The following PSD3 variants were observed in gnomAD, a reference collection of about 807,000 sequenced individuals.
The protein encoded by PSD3 is pleckstrin and Sec7 domain containing 3.
PSD3 carries 49 observed loss-of-function variants against 105.5 expected under a neutral mutation model. That is an observed-to-expected ratio of 0.46 (90% confidence interval 0.37 to 0.59). The LOEUF is 0.59. PSD3 is among the 20% of genes least tolerant of loss of function. The pLI is 0.00. For missense variants in PSD3, 1,561 were observed against 1,263.8 expected (o/e 1.24, Z -3.57); for synonymous variants, 557 against 457.8 (o/e 1.22, Z -2.77).
At chr8:18,966,091 C>T (rs1217527945) in intron 1 of PSD3, among the ~76,000 whole-genome samples, 1 of 152,202 alleles carries the variant, frequency 6.6e-6, no homozygotes, top group Non-Finnish European at 1.5e-5. Flanking sequence ...ACAGCTAGCA[C>T]TCAGTCAGAG....
intron 10 of PSD3, among the ~76,000 whole-genome samples, chr8:18,642,187 C>A (rs1807697618): frequency 6.6e-6 from 1 of 152,012 alleles, no homozygotes; most frequent in African/African-American, 2.4e-5. Flanking sequence ...CAAACTTAAC[C>A]AATGGTTAAA....
intron 4 of PSD3, among the ~76,000 whole-genome samples, chr8:18,852,775 C>T (rs1370011146): frequency 6.6e-6 from 1 of 152,116 alleles, no homozygotes; most frequent in Non-Finnish European, 1.5e-5. Flanking sequence ...GCTCTAACAT[C>T]GAAGTCCTCA....
At chr8:18,839,000 A>G (rs530894021) in intron 4 of PSD3, among the ~76,000 whole-genome samples, 1 of 151,932 alleles carries the variant, frequency 6.6e-6, no homozygotes, top group African/African-American at 2.4e-5. Flanking sequence ...GGCTTATCAT[A>G]CAAATGGGAT....
chr8:18,552,581 C>T (rs1206986528), intron 15 of PSD3, among the ~76,000 whole-genome samples: 2 of 152,044 alleles, frequency 1.3e-5, no homozygotes, highest in African/African-American at 4.8e-5. Flanking sequence ...TCGATCTGCC[C>T]CAGAACTTGA....
intron 4 of PSD3, among the ~76,000 whole-genome samples, chr8:18,831,435 C>T (rs1419984629): frequency 6.6e-6 from 1 of 152,158 alleles, no homozygotes; most frequent in Non-Finnish European, 1.5e-5. Context: ...TTCAACATGA[C>T]ATCAGGCCAG....
At chr8:18,655,824 G>A in intron 9 of PSD3, 139 bp from the exon 10 acceptor site, 4 of 728,948 alleles carry the variant, frequency 5.5e-6, no homozygotes, top group Non-Finnish European at 9.2e-6. Context: ...TTAGAAAGGT[G>A]AAGAATACAT....
intron 1 of PSD3, among the ~76,000 whole-genome samples, chr8:18,986,354 A>G (rs1586580450): frequency 6.6e-6 from 1 of 152,142 alleles, no homozygotes; most frequent in East Asian, 1.9e-4. Context: ...TTTACTGTCA[A>G]ATACTGGGTA....
intron 9 of PSD3, among the ~76,000 whole-genome samples, chr8:18,744,120 G>A (rs531347612): frequency 2.5e-4 from 38 of 152,096 alleles, no homozygotes; most frequent in African/African-American, 3.9e-4. Flanking sequence ...TTGTATTGAT[G>A]TTCCCCACCA....
rs1376965130 is a variant in PSD3 at position 18,871,638 on chromosome 8, C to G, written c.1226G>C (p.Arg409Thr). ...QHLEKTPKPERDRERISEQEE... is the reference protein window; with the variant it reads ...QHLEKTPKPETDRERISEQEE... ...TATGGGAGCTCACCTTTCCCTGTCT[C>G]TCTCTGGTTTAGGTGTCTTCTCAAG... Residue 409 changes from arginine (R) to threonine (T), a missense_variant, in exon 3 of 16, where the codon AGA (arginine) becomes ACA (threonine). Transcript: ENST00000327040. 1.2e-6 allele frequency: 2 copies of G among 1,604,012 alleles called. No homozygotes were observed. Among genetic ancestry groups the G allele is most frequent in the Non-Finnish European group, 1.7e-6 (2 of 1,175,054 alleles).
chr8:18,732,346 C>A (rs1803822289), intron 9 of PSD3, among the ~76,000 whole-genome samples: 2 of 152,210 alleles, frequency 1.3e-5, no homozygotes, highest in South Asian at 4.1e-4. Context: ...AGCTACAAAT[C>A]CTGTCTCAGT....
chr8:19,077,704 C>T (rs946991654), intron 1 of PSD3, among the ~76,000 whole-genome samples: 3 of 152,094 alleles, frequency 2.0e-5, no homozygotes, highest in African/African-American at 7.2e-5. Context: ...AAAACAACAT[C>T]CTTGAACTTT....
intron 2 of PSD3, among the ~76,000 whole-genome samples, chr8:18,900,510 T>A (rs1294823884): frequency 6.6e-6 from 1 of 152,156 alleles, no homozygotes; most frequent in Non-Finnish European, 1.5e-5. Flanking sequence ...TATAACATCA[T>A]GAATTTTCCC....
At chr8:18,544,318 G>A (rs991271650) in intron 15 of PSD3, among the ~76,000 whole-genome samples, 3 of 151,982 alleles carry the variant, frequency 2.0e-5, no homozygotes, top group African/African-American at 4.8e-5. Flanking sequence ...TTGACCAGGT[G>A]GCCCACCCAC....
At chr8:18,801,193 C>A in intron 7 of PSD3, 77 bp downstream of exon 7, 1 of 870,796 alleles carries the variant, frequency 1.1e-6, no homozygotes, top group Non-Finnish European at 1.8e-6. Context: ...TAATTTCTCA[C>A]AATAAAATTT....
intron 10 of PSD3, among the ~76,000 whole-genome samples, chr8:18,635,318 G>A (rs973146714): frequency 6.6e-6 from 1 of 152,020 alleles, no homozygotes; most frequent in East Asian, 1.9e-4. Flanking sequence ...ATCAAATCTC[G>A]GGGCTAGGTG....
chr8:18,763,312 C>CA (rs1422971069), intron 9 of PSD3, among the ~76,000 whole-genome samples: 2 of 151,426 alleles, frequency 1.3e-5, no homozygotes, highest in African/African-American at 4.9e-5. Context: ...TTATTTCACA[C>CA]AAAAAAAACT....
intron 1 of PSD3, among the ~76,000 whole-genome samples, chr8:18,944,649 T>G (rs1822751133): frequency 6.6e-6 from 1 of 152,134 alleles, no homozygotes; most frequent in African/African-American, 2.4e-5. Context: ...ACTTTTTCTC[T>G]TAGTAACGAA....
chr8:18,803,411 G>GTGTGTGTGTGTA (rs2129447574), intron 6 of PSD3: 1 of 151,986 alleles, frequency 6.6e-6, no homozygotes, highest in African/African-American at 2.4e-5. Flanking sequence ...GTGTGTGTGT[G>GTGTGTGTGTGTA]TGTGTGTGTT....
intron 4 of PSD3, among the ~76,000 whole-genome samples, chr8:18,838,400 C>T (rs548579063): frequency 6.6e-6 from 1 of 152,144 alleles, no homozygotes; most frequent in East Asian, 1.9e-4. Flanking sequence ...AGCATTTCTG[C>T]GCTTCATAAA....
Sources: gnomAD v4.1 joint callset for allele counts (sites outside exome capture counted in the v4.1 genomes callset) on GRCh38, gnomAD v4.1.1 for gene constraint, MANE v1.5 for transcripts, NCBI Gene and HGNC (gene_info 2026-07-23, HGNC 2026-07-21) for gene names.